The following PTPRD variants were observed in gnomAD, a reference collection of about 807,000 sequenced individuals.
The protein encoded by PTPRD is protein tyrosine phosphatase receptor type D.
In PTPRD, 34 loss-of-function variants were observed where a neutral mutation model predicts 214.5. That is an observed-to-expected ratio of 0.16 (90% CI 0.12 to 0.21). The LOEUF is 0.21. Ranked by LOEUF, PTPRD falls within the 10% of genes least tolerant of loss-of-function variation. PTPRD has a pLI of 1.00. For missense variants in PTPRD, 2,545 were observed against 2,398.7 expected (o/e 1.06, Z -1.27); for synonymous variants, 1,128 against 845.7 (o/e 1.33, Z -5.79).
chr9:10,045,902 G>T (rs1262738327), intron 3 of PTPRD, among the ~76,000 whole-genome samples: 3 of 151,650 alleles, frequency 2.0e-5, no homozygotes. Context: ...GATACCTCAT[G>T]ATGTTTTCAA....
At chr9:8,409,691 C>T (rs1335245708) in intron 35 of PTPRD, among the ~76,000 whole-genome samples, 1 of 152,194 alleles carries the variant, frequency 6.6e-6, no homozygotes, top group African/African-American at 2.4e-5. Flanking sequence ...CCATACAATA[C>T]TAGTTGCTCT....
intron 4 of PTPRD, among the ~76,000 whole-genome samples, chr9:9,956,029 T>C (rs1249575274): frequency 2.6e-5 from 4 of 152,142 alleles, no homozygotes; most frequent in Non-Finnish European, 5.9e-5. Context: ...TATTTGCAAA[T>C]GTACCAACCC....
intron 2 of PTPRD, among the ~76,000 whole-genome samples, chr9:10,569,124 A>G (rs1188616688): frequency 2.0e-5 from 3 of 152,186 alleles, no homozygotes; most frequent in African/African-American, 7.2e-5. Flanking sequence ...ATGAACAGAC[A>G]CTTCTAAAAA....
intron 11 of PTPRD, among the ~76,000 whole-genome samples, chr9:8,977,594 T>A (rs59410560): frequency 0.096 from 14,608 of 151,906 alleles, 1,146 homozygotes; most frequent in East Asian, 0.27. Context: ...TTAAATGTCA[T>A]CCCAAGGAAA....
At chr9:9,429,423 A>G (rs1159117197) in intron 8 of PTPRD, among the ~76,000 whole-genome samples, 1 of 152,096 alleles carries the variant, frequency 6.6e-6, no homozygotes, top group Non-Finnish European at 1.5e-5. Flanking sequence ...CCTACTGACC[A>G]AAAAAAGTCC....
intron 5 of PTPRD, among the ~76,000 whole-genome samples, chr9:9,863,191 A>G (rs1351246620): frequency 6.6e-6 from 1 of 152,188 alleles, no homozygotes; most frequent in Admixed American, 6.5e-5. Flanking sequence ...AAGATGAGAG[A>G]GAAGTCCACT....
At chr9:9,241,998 A>G (rs192167341) in intron 9 of PTPRD, among the ~76,000 whole-genome samples, 1 of 151,996 alleles carries the variant, frequency 6.6e-6, no homozygotes, top group Non-Finnish European at 1.5e-5. Flanking sequence ...GTTCATTTCC[A>G]TGTTTAGTGC....
intron 11 of PTPRD, among the ~76,000 whole-genome samples, chr9:8,803,670 G>C (rs1264657697): frequency 6.6e-6 from 1 of 151,836 alleles, no homozygotes; most frequent in Non-Finnish European, 1.5e-5. Context: ...CCTACAGAAA[G>C]CTGTGATCGG....
At chr9:8,785,875 G>C (rs1045820960) in intron 11 of PTPRD, among the ~76,000 whole-genome samples, 1 of 152,226 alleles carries the variant, frequency 6.6e-6, no homozygotes, top group East Asian at 1.9e-4. Context: ...ATGTATTACA[G>C]ATGGTTTTTA....
chr9:9,652,994 G>A (rs1440016843), intron 7 of PTPRD, among the ~76,000 whole-genome samples: 3 of 152,056 alleles, frequency 2.0e-5, no homozygotes, highest in Admixed American at 6.6e-5. Context: ...TATGGGAAAT[G>A]TTCAATATGG....
chr9:10,560,198 C>T (rs1334401182), intron 2 of PTPRD, among the ~76,000 whole-genome samples: 4 of 152,056 alleles, frequency 2.6e-5, no homozygotes, highest in African/African-American at 7.2e-5. Context: ...GAAAATGTGG[C>T]ACATATACAC....
chr9:8,467,727 C>T (rs763018877), intron 31 of PTPRD, among the ~76,000 whole-genome samples: 2 of 151,804 alleles, frequency 1.3e-5, no homozygotes, highest in African/African-American at 2.4e-5. Flanking sequence ...TATCTGCTTA[C>T]ATCAAGGCAG....
At chr9:9,788,791 T>G (rs1399766473) in intron 5 of PTPRD, among the ~76,000 whole-genome samples, 1 of 152,094 alleles carries the variant, frequency 6.6e-6, no homozygotes, top group Non-Finnish European at 1.5e-5. Context: ...AAAGAATATT[T>G]TTTTTTTCTG....
chr9:9,585,276 T>G (rs1287615031), intron 7 of PTPRD, among the ~76,000 whole-genome samples: 1 of 152,096 alleles, frequency 6.6e-6, no homozygotes, highest in African/African-American at 2.4e-5. Flanking sequence ...TTTGAGTGAA[T>G]GCAACAATCA....
At chr9:9,144,425 C>T (rs1270168454) in intron 10 of PTPRD, among the ~76,000 whole-genome samples, 1 of 152,072 alleles carries the variant, frequency 6.6e-6, no homozygotes, top group Admixed American at 6.6e-5. Flanking sequence ...TTAAGTGGTA[C>T]CTAAAATCAT....
intron 39 of PTPRD, among the ~76,000 whole-genome samples, chr9:8,370,474 A>C (rs897672084): frequency 6.6e-6 from 1 of 152,138 alleles, no homozygotes; most frequent in Non-Finnish European, 1.5e-5. Flanking sequence ...TGCAAGCAAA[A>C]TATACTATTT....
chr9:10,177,289 G>A (rs768195803), intron 3 of PTPRD, among the ~76,000 whole-genome samples: 4 of 151,660 alleles, frequency 2.6e-5, no homozygotes, highest in Non-Finnish European at 5.9e-5. Context: ...TCAGGGAAGA[G>A]AATGATAAAT....
chr9:8,663,501 T>C (rs936102803), intron 12 of PTPRD, among the ~76,000 whole-genome samples: 1 of 152,104 alleles, frequency 6.6e-6, no homozygotes, highest in African/African-American at 2.4e-5. Context: ...TGTTGTTATT[T>C]ATTTATTGGG....
At chr9:9,403,567 TA>T (rs1377322721) in intron 8 of PTPRD, among the ~76,000 whole-genome samples, 1 of 151,954 alleles carries the variant, frequency 6.6e-6, no homozygotes, top group Non-Finnish European at 1.5e-5. Flanking sequence ...TCTTACATTG[TA>T]AAAAATATTT....
Sources: allele counts gnomAD v4.1 joint callset (sites outside exome capture counted in the v4.1 genomes callset), GRCh38; gene constraint gnomAD v4.1.1; transcripts MANE v1.5; gene names NCBI Gene and HGNC (gene_info 2026-07-23, HGNC 2026-07-21).